Variants in HMCN2 observed in about 807,000 individuals in gnomAD.
HMCN2 encodes hemicentin-2.
A neutral mutation model predicts 377.5 loss-of-function variants in HMCN2; 325 were observed. The observed-to-expected ratio is 0.86, with a 90% CI of 0.79 to 0.94. The LOEUF is 0.94. HMCN2 is among the 40% of genes least tolerant of loss of function. The pLI is 0.00. For missense variants in HMCN2, 4,543 were observed against 4,725.3 expected (o/e 0.96, Z 1.13); for synonymous variants, 2,007 against 2,046.8 (o/e 0.98, Z 0.53).
Position 130,299,170 on chromosome 9 carries a change from G to A in HMCN2, c.1158G>A (p.Trp386Ter), listed in dbSNP as rs1307649449. The change falls in exon 8 of 98, where the codon TGG becomes TGA. Residue 386 changes from tryptophan (W) to a stop codon, truncating the protein, a stop_gained. Transcript: ENST00000683500. LOFTEE classifies it high-confidence loss of function. Reference sequence around the variant, plus strand: ...CCAATGGCTCCACCCATCAGCTGTGGGGCGGGCCGCCCTTCCACACCCCCA... The same window carrying A: ...CCAATGGCTCCACCCATCAGCTGTGAGGCGGGCCGCCCTTCCACACCCCCA... ...PLSNGSTHQL[W>*]GGPPFHTPKE... 2.1e-6 allele frequency: 1 copy of A among 471,148 alleles called. No individual in the cohort carries two copies. The highest frequency in any genetic ancestry group is 2.3e-5 in the Admixed American group (1 of 42,582). The allele number at this position is 471,148 out of a possible 1,614,324, so 29.2% of individuals were successfully genotyped here.
intron 19 of HMCN2, among the ~76,000 whole-genome samples, chr9:130,323,037 C>A (rs1389810641): frequency 6.6e-6 from 1 of 152,146 alleles, no homozygotes; most frequent in Non-Finnish European, 1.5e-5. Context: ...AATTCCAGAT[C>A]CAAATCGCCA....
At chr9:130,408,335 T>C (rs1304316306) in intron 83 of HMCN2, among the ~76,000 whole-genome samples, 4 of 151,918 alleles carry the variant, frequency 2.6e-5, no homozygotes, top group African/African-American at 9.7e-5. Flanking sequence ...ACAACAGAGG[T>C]GTCTAGGGTT....
At position 130,412,552 on chromosome 9, in the gene HMCN2, CT is replaced by C. The variant is rs1314135352; in HGVS notation, c.12961+1904del. 7.4e-4 allele frequency among the ~76,000 whole-genome samples: 101 copies of C among 136,200 alleles called. No homozygotes were observed. In the East Asian group the frequency reaches 0.01, roughly 14 times the overall value. The allele number at this position is 136,200 out of a possible 152,430, so 89.4% of individuals were successfully genotyped here. On this transcript the variant is annotated intron_variant, in intron 85 of 97. Coordinates refer to ENST00000683500, the MANE Select transcript of HMCN2 (RefSeq NM_001291815.2). The stretch of plus-strand genomic sequence containing the variant: ...TAAGGTCGTCTTTTTCTTTTCTTTT[CT>C]TTTCTTTCTTTCTCTTTTTTTTTTT...
At chr9:130,358,334 T>C in intron 35 of HMCN2, 56 bp from the exon 36 acceptor site, 1 of 1,301,968 alleles carries the variant, frequency 7.7e-7, no homozygotes. Context: ...CCACTCGCCA[T>C]GTCCCGTCAT....
chr9:130,413,957 G>T (rs1843550694), intron 85 of HMCN2, among the ~76,000 whole-genome samples: 1 of 148,324 alleles, frequency 6.7e-6, no homozygotes, highest in Admixed American at 6.8e-5. Flanking sequence ...ATCATCCTGG[G>T]CAATATGGTG....
At chr9:130,287,182 C>T (rs782063659) in intron 4 of HMCN2, among the ~76,000 whole-genome samples, 4 of 152,184 alleles carry the variant, frequency 2.6e-5, no homozygotes, top group African/African-American at 4.8e-5. Flanking sequence ...CACCTCTCAC[C>T]GCCAGGTCCC....
At chr9:130,309,054 G>A (rs1837062786) in intron 14 of HMCN2, among the ~76,000 whole-genome samples, 1 of 152,266 alleles carries the variant, frequency 6.6e-6, no homozygotes, top group Non-Finnish European at 1.5e-5. Flanking sequence ...TGCACTGGAT[G>A]CCACTGAGCT....
At chr9:130,275,476 G>T (rs909384089) in intron 1 of HMCN2, among the ~76,000 whole-genome samples, 1 of 152,130 alleles carries the variant, frequency 6.6e-6, no homozygotes, top group South Asian at 2.1e-4. Flanking sequence ...TTGAGATGGA[G>T]TCTTGCTCTG....
At chr9:130,281,966 C>T (rs530276397) in intron 1 of HMCN2, among the ~76,000 whole-genome samples, 1 of 151,818 alleles carries the variant, frequency 6.6e-6, no homozygotes, top group East Asian at 1.9e-4. Flanking sequence ...CAGGAAGCAT[C>T]TCAGGACATA....
intron 11 of HMCN2, 90 bp from the exon 12 acceptor site, chr9:130,306,039 A>G: frequency 2.3e-6 from 1 of 438,224 alleles, no homozygotes; most frequent in South Asian, 1.7e-5. Context: ...ATCTGTGACT[A>G]TGGGAGGGGA....
rs773503081 is a variant in HMCN2, at chr9:130,425,864, T to C, written c.13819T>C (p.Ser4607Pro). ...GCACCTGCGGGCCTCAGCTATCAGC[T>C]CGGCCTTTGATCCAGAGGCCGAGGC... ...VQHLRASAIS[S>P]AFDPEAEALR... is the part of the protein sequence containing the mutation. The change falls in exon 90 of 98, where the codon TCG (serine) becomes CCG (proline). Residue 4607 changes from serine to proline, a missense_variant. This residue lies in a region of HMCN2 where 1,155 missense variants were observed against 1,157.7 expected (regional missense o/e 1.00). Transcript: ENST00000683500. The C allele has an allele frequency of 4.8e-5, 74 of 1,550,134 alleles. No individual in the cohort carries two copies. Among genetic ancestry groups the C allele is most frequent in the Non-Finnish European group, 6.0e-5 (69 of 1,146,940 alleles).
chr9:130,430,385 C>T lies in HMCN2; in HGVS notation c.14428C>T (p.Arg4810Cys), dbSNP rs749060696. ...GTGCCCCCCAGGCCAGACCCTCCTT[C>T]GCGACGGCAAGGCCTGCACCTCACT... ...CLCPPGQTLL[R>C]DGKACTSLER... is the part of the protein sequence containing the mutation. Residue 4810 changes from arginine (R) to cysteine (C), a missense_variant, in exon 95 of 98, where the codon CGC becomes TGC. Around this residue, in one of 5 missense-constraint regions of HMCN2, gnomAD observed 1,155 missense variants for 1,157.7 expected, o/e 1.00. Transcript: ENST00000683500. The T allele has an allele frequency of 1.4e-5, 22 of 1,550,030 alleles. No homozygotes were observed. The highest frequency in any genetic ancestry group is 4.8e-5 in the South Asian group (4 of 84,064).
rs1564756933 is a variant in HMCN2 at position 130,295,690 on chromosome 9, G to A, written c.809G>A (p.Gly270Asp). The A allele has an allele frequency of 2.1e-6, 1 of 471,068 alleles. No individual in the cohort carries two copies. The allele number at this position is 471,068 out of a possible 1,614,324, so 29.2% of individuals were successfully genotyped here. ...GGGAGGATCCTGCAGGAGGACGAGGGCCTCAACGTGCTTCTCAACATCCCT... is the reference window on the plus strand; with the variant it reads ...GGGAGGATCCTGCAGGAGGACGAGGACCTCAACGTGCTTCTCAACATCCCT... ...PLGRILQEDE[G>D]LNVLLNIPDS... Residue 270 changes from glycine (G) to aspartate (D), a missense_variant, in exon 6 of 98, where the codon GGC becomes GAC. Transcript: ENST00000683500.
rs539868315 is a variant in HMCN2 at position 130,348,582 on chromosome 9, C to T, written c.4062C>T (p.Asn1354=). Residue 1354 remains asparagine (N), a synonymous_variant, in exon 27 of 98, where the codon AAC becomes AAT. Transcript: ENST00000683500. The stretch of plus-strand genomic sequence containing the variant: ...TCCGGGAGGACGGGCGCAAGGCCAA[C>T]GTGTCGGGTATGGCCGGGCAGTCCC... ...PSIREDGRKA[N]VSGMAGQSLT... is the part of the protein sequence containing the mutation. The T allele has an allele frequency of 2.2e-5, 29 of 1,304,256 alleles. No homozygotes were observed. The highest frequency in any genetic ancestry group is 5.6e-5 in the East Asian group (1 of 18,018). The allele number at this position is 1,304,256 out of a possible 1,614,324, so 80.8% of individuals were successfully genotyped here.
At chr9:130,288,967 A>T (rs1835573757) in intron 4 of HMCN2, among the ~76,000 whole-genome samples, 1 of 152,184 alleles carries the variant, frequency 6.6e-6, no homozygotes. Context: ...TTTGATTAAG[A>T]CTTAGACAAG....
Position 130,430,356 on chromosome 9 carries a change from G to C in HMCN2, c.14399G>C (p.Cys4800Ser). The C allele has an allele frequency of 6.5e-7, 1 of 1,549,180 alleles. No individual in the cohort carries two copies. The highest frequency in any genetic ancestry group is 8.7e-7 in the Non-Finnish European group (1 of 1,146,926). The change falls in exon 95 of 98, where the codon TGC (cysteine) becomes TCC (serine). Residue 4800 changes from cysteine to serine, a missense_variant. Cys to Ser is a moderately radical substitution (Grantham distance 112). Coordinates refer to ENST00000683500, the MANE Select transcript of HMCN2 (RefSeq NM_001291815.2). ...QCHNLQGSYR[C>S]LCPPGQTLLR... ...CACAACCTCCAGGGCAGCTACCGCT[G>C]CCTGTGCCCCCCAGGCCAGACCCTC...
intron 58 of HMCN2, 44 bp from the exon 59 acceptor site, chr9:130,384,641 G>A (rs1564839855): frequency 1.5e-6 from 2 of 1,300,652 alleles, no homozygotes; most frequent in Admixed American, 2.3e-5. Flanking sequence ...AGGACTGGGG[G>A]CTGGGCTGGA....
In HMCN2 at chr9:130,379,438, C is replaced by T. The variant is rs1055162976; in HGVS notation, c.8402C>T (p.Ser2801Leu). 1.0e-5 allele frequency: 10 copies of T among 985,746 alleles called. No individual in the cohort carries two copies. The highest frequency in any genetic ancestry group is 5.2e-5 in the African/African-American group (3 of 57,234). 61.1% of individuals were successfully genotyped at this position (985,746 alleles called of 1,614,324 possible). ...TGGTACAGAGAGGATCAGCCCCTCT[C>T]GGCCGGGGATGAGGTGTCTGTGCTG... ...LTWYREDQPL[S>L]AGDEVSVLQG... Residue 2801 changes from serine to leucine, a missense_variant, in exon 54 of 98, where the codon TCG (serine) becomes TTG (leucine). This residue lies in a region of HMCN2 where 736 missense variants were observed against 773.2 expected (regional missense o/e 0.95). Transcript: ENST00000683500.
At chr9:130,331,718 T>C (rs1190167171) in intron 22 of HMCN2, among the ~76,000 whole-genome samples, 1 of 152,122 alleles carries the variant, frequency 6.6e-6, no homozygotes, top group Non-Finnish European at 1.5e-5. Context: ...AGCCCAGGGA[T>C]GCTGGGGCGA....
Sources: allele counts gnomAD v4.1 joint callset (sites outside exome capture counted in the v4.1 genomes callset), GRCh38; gene constraint gnomAD v4.1.1; regional missense constraint gnomAD v4.1.1; transcripts MANE v1.5; gene names NCBI Gene and HGNC (gene_info 2026-07-23, HGNC 2026-07-21).